PRR29: variants seen among roughly 807,000 people sequenced by gnomAD.
PRR29 encodes the protein proline-rich protein 29.
A neutral mutation model predicts 25.1 loss-of-function variants in PRR29; 20 were observed. The observed-to-expected ratio is 0.80, with a 90% confidence interval of 0.56 to 1.16. The LOEUF (loss-of-function observed/expected upper bound fraction) is 1.16, where lower values mean the gene tolerates loss of function less well. Among genes scored for constraint, PRR29 ranks in the 50% most tolerant of loss-of-function variants. PRR29 has a pLI of 0.00. For missense variants in PRR29, 238 were observed against 246.6 expected, an observed-to-expected ratio of 0.97 and a Z score of 0.23; for synonymous variants, 108 against 102.6, an observed-to-expected ratio of 1.05 and a Z score of -0.32.
rs376446437 is a variant in PRR29, at chr17:64,000,318, TTTTTC to T, written c.244-751_244-747del. Among the ~76,000 whole-genome samples the T allele has an allele frequency of 2.5e-3, 384 of 152,278 alleles. 2 individuals are homozygous for T. The highest frequency in any genetic ancestry group is 8.9e-3 in the African/African-American group (369 of 41,550). On this transcript the variant is annotated intron_variant, in intron 3 of 5. Coordinates refer to ENST00000412177, the MANE Select transcript of PRR29 (RefSeq NM_001164257.2). Reference sequence around the variant, plus strand: ...CGCTCAATAAACACAACCCATTCTTTTTTTCTTTTCTTTTCTTTTTCTTTTTTTTG... The same window carrying T: ...CGCTCAATAAACACAACCCATTCTTTTTTTCTTTTCTTTTTCTTTTTTTTG...
In PRR29 at chr17:64,002,535, C is replaced by A. The variant is rs888094648; in HGVS notation, c.*774C>A. ...GAGGCATCTAGGGAGAGGGGTCCCC[C>A]ATGGTGGCTCCCCTCCCTGGCCATT... On this transcript the variant is annotated 3_prime_UTR_variant, in exon 6 of 6. Transcript: ENST00000412177. 1.6e-5 allele frequency: 9 copies of A among 563,852 alleles called. No individual in the cohort carries two copies. Among genetic ancestry groups the A allele is most frequent in the Non-Finnish European group, 2.5e-5 (8 of 318,254 alleles). The allele number at this position is 563,852 out of a possible 1,614,324, so 34.9% of individuals were successfully genotyped here. A position where few individuals can be genotyped will look rare whatever the true frequency, so the allele number is the denominator to read the frequency against.
In PRR29 at chr17:63,998,796, G is replaced by GGGGGGC; in HGVS notation, c.136+14_136+15insGGGGGC. 3.0e-6 allele frequency: 4 copies of GGGGGGC among 1,345,598 alleles called. No homozygotes were observed. The highest frequency in any genetic ancestry group is 4.1e-6 in the Non-Finnish European group (4 of 975,972). 83.4% of individuals were successfully genotyped at this position (1,345,598 alleles called of 1,614,324 possible). On this transcript the variant is annotated intron_variant, in intron 2 of 5. Transcript: ENST00000412177. ...GCGTGAAGGAAGGTGAGACTCCCGG[G>GGGGGGC]TCCCCCCACCCCACCCCCACCATCA...
intron 3 of PRR29, 148 bp from the exon 4 acceptor site, chr17:64,000,936 G>C: frequency 1.4e-6 from 1 of 704,448 alleles, no homozygotes. Context: ...ACAGTGCTGG[G>C]ATTACAGGCG....
chr17:64,001,587 G>A (rs1418759041), intron 5 of PRR29, 50 bp downstream of exon 5: 4 of 1,487,980 alleles, frequency 2.7e-6, no homozygotes, highest in South Asian at 2.7e-5. Context: ...AGTGAATCAG[G>A]AGGCCAGGAG....
chr17:64,004,135 A>C lies in PRR29; in HGVS notation c.*2374A>C, dbSNP rs1278993281. On this transcript the variant is annotated 3_prime_UTR_variant, in exon 6 of 6. Transcript: ENST00000412177. The stretch of plus-strand genomic sequence containing the variant: ...GGCAGCAGTTGAGGATGGAGGCTGG[A>C]CTGTGTGGTAGTTTTACAGACATGA... 1.7e-6 allele frequency: 1 copy of C among 595,640 alleles called. No individual in the cohort carries two copies. Among genetic ancestry groups the C allele is most frequent in the Non-Finnish European group, 3.0e-6 (1 of 335,130 alleles). 36.9% of individuals were successfully genotyped at this position (595,640 alleles called of 1,614,324 possible). A position where few individuals can be genotyped will look rare whatever the true frequency, so the allele number is the denominator to read the frequency against.
At position 64,004,169 on chromosome 17, in the gene PRR29, G is replaced by A. The variant is rs1420439712; in HGVS notation, c.*2408G>A. On this transcript the variant is annotated 3_prime_UTR_variant, in exon 6 of 6. Transcript: ENST00000412177. ...TAGTTTTACAGACATGATGGTTTCC[G>A]GTGACCAGGTGTCTACAAGGACAAG... The A allele has an allele frequency of 1.6e-5, 9 of 557,268 alleles. 1 individual carries two copies. The Middle Eastern group carries it at 2.8e-3, about 172-fold the overall frequency. 34.5% of individuals were successfully genotyped at this position (557,268 alleles called of 1,614,324 possible). A position where few individuals can be genotyped will look rare whatever the true frequency, so the allele number is the denominator to read the frequency against.
intron 3 of PRR29, chr17:64,000,866 C>T: frequency 1.9e-6 from 1 of 515,946 alleles, no homozygotes; most frequent in Non-Finnish European, 3.5e-6. Context: ...CGGGGTTTCA[C>T]CGTGTTAGCC....
chr17:63,998,797 T>TTGCC lies in PRR29; in HGVS notation c.136+15_136+16insTGCC. ...CGTGAAGGAAGGTGAGACTCCCGGG[T>TTGCC]CCCCCCACCCCACCCCCACCATCAC... On this transcript the variant is annotated intron_variant, in intron 2 of 5. Transcript: ENST00000412177. 6.6e-6 allele frequency: 7 copies of TTGCC among 1,062,574 alleles called. No individual in the cohort carries two copies. Among genetic ancestry groups the TTGCC allele is most frequent in the Non-Finnish European group, 9.2e-6 (7 of 761,680 alleles). 65.8% of individuals were successfully genotyped at this position (1,062,574 alleles called of 1,614,324 possible). A position where few individuals can be genotyped will look rare whatever the true frequency, so the allele number is the denominator to read the frequency against.
intron 5 of PRR29, 62 bp downstream of exon 5, chr17:64,001,599 G>T (rs905590704): frequency 1.8e-5 from 27 of 1,491,446 alleles, no homozygotes; most frequent in Non-Finnish European, 2.1e-5. Flanking sequence ...GGCCAGGAGG[G>T]CCCTGTGCCC....
Position 63,998,738 on chromosome 17 carries a change from G to A in PRR29, c.92G>A (p.Trp31Ter), listed in dbSNP as rs1255146766. 2.6e-6 allele frequency: 4 copies of A among 1,526,594 alleles called. No homozygotes were observed. Among genetic ancestry groups the A allele is most frequent in the Non-Finnish European group, 3.5e-6 (4 of 1,143,384 alleles). The allele number at this position is 1,526,594 out of a possible 1,614,324, so 94.6% of individuals were successfully genotyped here. A position where few individuals can be genotyped will look rare whatever the true frequency, so the allele number is the denominator to read the frequency against. Residue 31 changes from tryptophan (W) to a stop codon, truncating the protein, a stop_gained, in exon 2 of 6, where the codon TGG (tryptophan) becomes TAG (stop). Coordinates refer to ENST00000412177, the MANE Select transcript of PRR29 (RefSeq NM_001164257.2). LOFTEE classifies it high-confidence loss of function. ...PWVTFLQPLS[W>*]AVPPAPPQPG... ...GTCACCTTCCTGCAGCCCCTCTCGT[G>A]GGCCGTCCCACCTGCGCCCCCGCAG...
At chr17:63,999,246 T>C (rs1466628682) in intron 3 of PRR29, 172 bp downstream of exon 3, 4 of 619,984 alleles carry the variant, frequency 6.5e-6, no homozygotes. Flanking sequence ...CCATGAAAGG[T>C]TGGGGCGGGG....
Position 64,003,003 on chromosome 17 carries a change from C to T in PRR29, c.*1242C>T. On this transcript the variant is annotated 3_prime_UTR_variant, in exon 6 of 6. Coordinates refer to ENST00000412177, the MANE Select transcript of PRR29 (RefSeq NM_001164257.2). Reference sequence around the variant, plus strand: ...GGACCAAAAGGGAGTGGAAGTCCACCCCCAACCCAGACCCCCAGACCCCGC... The same window carrying T: ...GGACCAAAAGGGAGTGGAAGTCCACTCCCAACCCAGACCCCCAGACCCCGC... The T allele has an allele frequency of 1.4e-6, 2 of 1,399,812 alleles. No individual in the cohort carries two copies. Among genetic ancestry groups the T allele is most frequent in the Non-Finnish European group, 2.0e-6 (2 of 1,019,250 alleles). 86.7% of individuals were successfully genotyped at this position (1,399,812 alleles called of 1,614,324 possible).
rs778211248 is a variant in PRR29 at position 64,003,813 on chromosome 17, G to C, written c.*2052G>C. On this transcript the variant is annotated 3_prime_UTR_variant, in exon 6 of 6. Transcript: ENST00000412177. ...GCGGAGCAGGGGCTGCCTTCCCGAA[G>C]GTCTCATAGTGCAGAGTCTCATTGC... 1 of 1,614,246 alleles carries C rather than the reference G, an allele frequency of 6.2e-7. No individual in the cohort carries two copies. The highest frequency in any genetic ancestry group is 2.2e-5 in the East Asian group (1 of 44,886).
rs1258931896 is a variant in PRR29 at position 63,998,400 on chromosome 17, C to T, written c.36C>T (p.Ser12=). 7.3e-6 allele frequency: 11 copies of T among 1,513,644 alleles called. No homozygotes were observed. The highest frequency in any genetic ancestry group is 9.7e-6 in the Non-Finnish European group (11 of 1,136,094). The allele number at this position is 1,513,644 out of a possible 1,614,324, so 93.8% of individuals were successfully genotyped here. ...GGGCGGGCGGAAGCTGGGGTCGCTC[C>T]CCACCGCAGAGCGCAGTCCCGACGG... ...ASGAGGSWGR[S]PPQSAVPTPW... Residue 12 remains serine (S), a synonymous_variant, in exon 1 of 6, where the codon TCC becomes TCT. Coordinates refer to ENST00000412177, the MANE Select transcript of PRR29 (RefSeq NM_001164257.2).
chr17:64,002,868 G>A lies in PRR29; in HGVS notation c.*1107G>A, dbSNP rs549720297. On this transcript the variant is annotated 3_prime_UTR_variant, in exon 6 of 6. Coordinates refer to ENST00000412177, the MANE Select transcript of PRR29 (RefSeq NM_001164257.2). The stretch of plus-strand genomic sequence containing the variant: ...GAGCAGGACAGATGTCACGAACAGG[G>A]ACAGCAACACCGACACCACCGTGAC... 51 of 1,613,892 alleles carry A rather than the reference G, an allele frequency of 3.2e-5. 1 individual carries two copies. In the South Asian group the frequency reaches 4.6e-4, roughly 15 times the overall value.
Position 64,002,989 on chromosome 17 carries a change from G to A in PRR29, c.*1228G>A. 1.3e-6 allele frequency: 2 copies of A among 1,507,518 alleles called. No individual in the cohort carries two copies. Among genetic ancestry groups the A allele is most frequent in the Non-Finnish European group, 9.1e-7 (1 of 1,103,786 alleles). The allele number at this position is 1,507,518 out of a possible 1,614,324, so 93.4% of individuals were successfully genotyped here. A position where few individuals can be genotyped will look rare whatever the true frequency, so the allele number is the denominator to read the frequency against. On this transcript the variant is annotated 3_prime_UTR_variant, in exon 6 of 6. Coordinates refer to ENST00000412177, the MANE Select transcript of PRR29 (RefSeq NM_001164257.2). ...ATCCCAGTTACCAGGGACCAAAAGG[G>A]AGTGGAAGTCCACCCCCAACCCAGA...
At position 64,003,307 on chromosome 17, in the gene PRR29, A is replaced by G; in HGVS notation, c.*1546A>G. On this transcript the variant is annotated 3_prime_UTR_variant, in exon 6 of 6. Transcript: ENST00000412177. ...CAGGCTCCCTGTGTGCCGGCCGTCC[A>G]GGGTCACCAAGCAGCAGAGCTCTGG... 4 of 442,536 alleles carry G rather than the reference A, an allele frequency of 9.0e-6. No individual in the cohort carries two copies. Among genetic ancestry groups the G allele is most frequent in the Non-Finnish European group, 1.6e-5 (4 of 243,432 alleles). 27.4% of individuals were successfully genotyped at this position (442,536 alleles called of 1,614,324 possible). A position where few individuals can be genotyped will look rare whatever the true frequency, so the allele number is the denominator to read the frequency against.
Position 64,003,237 on chromosome 17 carries a change from TC to T in PRR29, c.*1479del, listed in dbSNP as rs1052029012. 8 of 440,266 alleles carry T rather than the reference TC, an allele frequency of 1.8e-5. No individual in the cohort carries two copies. Among genetic ancestry groups the T allele is most frequent in the African/African-American group, 7.9e-5 (4 of 50,678 alleles). The allele number at this position is 440,266 out of a possible 1,614,324, so 27.3% of individuals were successfully genotyped here. ...CACCGTGGCCTGGAGGGTGGCATGGTCCCAGCCAAGCCCCTTCTTGGGCAGA... is the reference window on the plus strand; with the variant it reads ...CACCGTGGCCTGGAGGGTGGCATGGTCCAGCCAAGCCCCTTCTTGGGCAGA... On this transcript the variant is annotated 3_prime_UTR_variant, in exon 6 of 6. Coordinates refer to ENST00000412177, the MANE Select transcript of PRR29 (RefSeq NM_001164257.2).
chr17:63,998,438 C>A lies in PRR29; in HGVS notation c.60+14C>A. 6.8e-7 allele frequency: 1 copy of A among 1,473,820 alleles called. No homozygotes were observed. 91.3% of individuals were successfully genotyped at this position (1,473,820 alleles called of 1,614,324 possible). On this transcript the variant is annotated intron_variant, in intron 1 of 5. Transcript: ENST00000412177. Reference sequence around the variant, plus strand: ...GCAGTCCCGACGGTGAGGGCTGAGCCCGGGAGCAGATCCTGCCTTAGCTTG... The same window carrying A: ...GCAGTCCCGACGGTGAGGGCTGAGCACGGGAGCAGATCCTGCCTTAGCTTG...
Sources: allele counts gnomAD v4.1 joint callset (sites outside exome capture counted in the v4.1 genomes callset), GRCh38; gene constraint gnomAD v4.1.1; transcripts MANE v1.5; gene names NCBI Gene and HGNC (gene_info 2026-07-23, HGNC 2026-07-21).